Variants in BSND observed in about 807,000 individuals in gnomAD.
BSND encodes barttin CLCNK type accessory subunit beta, also known as barttin.
In BSND, 13 loss-of-function variants were observed where a neutral mutation model predicts 18.8. That is an observed-to-expected ratio of 0.69 (90% CI 0.45 to 1.10). The LOEUF (loss-of-function observed/expected upper bound fraction) is 1.10. Among genes scored for constraint, BSND ranks in the 50% least tolerant of loss-of-function variants. The probability of loss-of-function intolerance (pLI) is 0.00; values close to 1 mark genes in which losing one functional copy is unlikely to be tolerated. For missense variants in BSND, 379 were observed against 416.7 expected (o/e 0.91, Z 0.79); for synonymous variants, 170 against 161.8 (o/e 1.05, Z -0.39).
rs1361814773 is a variant in BSND at position 55,014,966 on chromosome 1, C to T, written c.*6338C>T. Among the ~76,000 whole-genome samples, 2 of 152,176 alleles carry T rather than the reference C, an allele frequency of 1.3e-5. No individual in the cohort carries two copies. Among genetic ancestry groups the T allele is most frequent in the African/African-American group, 4.8e-5 (2 of 41,438 alleles). ...GGGGAAGGAAGGAGGAAGAAGGAGA[C>T]TGTCCTGGCTGGAGTGGTGGAGGAC... is the stretch of plus-strand genomic sequence containing the variant. On this transcript the variant is annotated 3_prime_UTR_variant, in exon 4 of 4. Transcript: ENST00000651561.
In BSND at chr1:55,009,264, C is replaced by G. The variant is rs577978268; in HGVS notation, c.*636C>G. 1 of 161,864 alleles carries G rather than the reference C, an allele frequency of 6.2e-6. No individual in the cohort carries two copies. The highest frequency in any genetic ancestry group is 1.8e-4 in the East Asian group (1 of 5,566). 10.0% of individuals were successfully genotyped at this position (161,864 alleles called of 1,614,324 possible). On this transcript the variant is annotated 3_prime_UTR_variant, in exon 4 of 4. Transcript: ENST00000651561. ...GGCTCCCTTTTCAGCTTGGCAAATT[C>G]GTGCTCACCCTTCAAACCCCTACAC...
chr1:55,004,712 G>C (rs752138687), intron 1 of BSND, among the ~76,000 whole-genome samples: 1 of 152,256 alleles, frequency 6.6e-6, no homozygotes. Flanking sequence ...GAAATGAAAA[G>C]ATGTGAGCTC....
intron 1 of BSND, among the ~76,000 whole-genome samples, chr1:54,999,683 C>T (rs1320378031): frequency 6.6e-6 from 1 of 152,224 alleles, no homozygotes; most frequent in African/African-American, 2.4e-5. Context: ...CGCTGACCCC[C>T]TGCCAGGCAC....
At chr1:55,006,771 A>C (rs1212487789) in intron 2 of BSND, among the ~76,000 whole-genome samples, 1 of 152,176 alleles carries the variant, frequency 6.6e-6, no homozygotes, top group Admixed American at 6.5e-5. Context: ...TGAAAAAAAC[A>C]CTGGATAGAG....
rs1006408791 is a variant in BSND at position 55,014,826 on chromosome 1, T to C, written c.*6198T>C. Among the ~76,000 whole-genome samples, 4 of 152,144 alleles carry C rather than the reference T, an allele frequency of 2.6e-5. No individual in the cohort carries two copies. The highest frequency in any genetic ancestry group is 2.9e-5 in the Non-Finnish European group (2 of 68,034). On this transcript the variant is annotated 3_prime_UTR_variant, in exon 4 of 4. Transcript: ENST00000651561. ...TTTTTCTTAAATGAGTTATCAAACA[T>C]TGGATAGCTGGTAGGCAACCCAGAA...
intron 1 of BSND, among the ~76,000 whole-genome samples, chr1:54,999,674 G>C (rs546705325): frequency 7.2e-5 from 11 of 152,276 alleles, no homozygotes; most frequent in Admixed American, 7.2e-4. Context: ...GCTAATGAGC[G>C]CTGACCCCCT....
chr1:55,004,517 G>GATTC (rs1212259011), intron 1 of BSND, among the ~76,000 whole-genome samples: 1 of 152,216 alleles, frequency 6.6e-6, no homozygotes, highest in Admixed American at 6.5e-5. Flanking sequence ...GGCTGGACTT[G>GATTC]CAGAGACCTC....
chr1:55,008,089 G>T, intron 3 of BSND, 125 bp from the exon 4 acceptor site: 1 of 767,650 alleles, frequency 1.3e-6, no homozygotes, highest in Non-Finnish European at 2.2e-6. Flanking sequence ...TTCTGTTATT[G>T]GGAAGAAACT....
At chr1:55,001,843 C>T (rs1644363099) in intron 1 of BSND, among the ~76,000 whole-genome samples, 1 of 151,976 alleles carries the variant, frequency 6.6e-6, no homozygotes, top group South Asian at 2.1e-4. Flanking sequence ...GTAGCATGAT[C>T]AAAGCAATGT....
Position 55,016,498 on chromosome 1 carries a change from T to A in BSND, c.*7870T>A, listed in dbSNP as rs186344567. 1.3e-5 allele frequency among the ~76,000 whole-genome samples: 2 copies of A among 152,196 alleles called. No homozygotes were observed. The highest frequency in any genetic ancestry group is 3.9e-4 in the East Asian group (2 of 5,170). On this transcript the variant is annotated 3_prime_UTR_variant, in exon 4 of 4. Transcript: ENST00000651561. The stretch of plus-strand genomic sequence containing the variant: ...CTGACGTTGCTGATGTGAATGGGAG[T>A]GGTGGCAGCTTTTCTGTGAGTGCCT...
intron 1 of BSND, among the ~76,000 whole-genome samples, chr1:55,001,907 A>G (rs1041057223): frequency 2.6e-5 from 4 of 152,142 alleles, no homozygotes; most frequent in East Asian, 3.8e-4. Context: ...AGAGGGGAGG[A>G]AGGTAAAGGT....
In BSND at chr1:55,014,291, C is replaced by T. The variant is rs998141868; in HGVS notation, c.*5663C>T. Among the ~76,000 whole-genome samples, 4 of 152,244 alleles carry T rather than the reference C, an allele frequency of 2.6e-5. No individual in the cohort carries two copies. Among genetic ancestry groups the T allele is most frequent in the Non-Finnish European group, 4.4e-5 (3 of 68,042 alleles). On this transcript the variant is annotated 3_prime_UTR_variant, in exon 4 of 4. Transcript: ENST00000651561. ...TGAGGAGCACCAGCTTTGGAGTAAA[C>T]AGCGCTGGGTTTGAGACTAGGCTTC...
At chr1:55,004,735 G>T (rs1007096571) in intron 1 of BSND, among the ~76,000 whole-genome samples, 2 of 152,242 alleles carry the variant, frequency 1.3e-5, no homozygotes, top group Non-Finnish European at 2.9e-5. Context: ...CAAGGACAGG[G>T]TTCTCTTTCA....
intron 2 of BSND, among the ~76,000 whole-genome samples, chr1:55,006,323 G>C (rs921497308): frequency 6.6e-6 from 1 of 152,170 alleles, no homozygotes; most frequent in Non-Finnish European, 1.5e-5. Context: ...CTTCCCGGCT[G>C]TGTGACCCTA....
rs1644421610 is a variant in BSND, at chr1:55,011,321, A to ACG, written c.*2695_*2696dup. On this transcript the variant is annotated 3_prime_UTR_variant, in exon 4 of 4. Transcript: ENST00000651561. Reference sequence around the variant, plus strand: ...GCTAAGTTATTAGGAGGCCCCTTTCACGCTCGAAGATACCTCATTTGGATG... The same window carrying ACG: ...GCTAAGTTATTAGGAGGCCCCTTTCACGCGCTCGAAGATACCTCATTTGGATG... 1.3e-5 allele frequency: 2 copies of ACG among 152,198 alleles called. No individual in the cohort carries two copies. The highest frequency in any genetic ancestry group is 4.8e-5 in the African/African-American group (2 of 41,416). The allele number at this position is 152,198 out of a possible 1,614,324, so 9.4% of individuals were successfully genotyped here. A position where few individuals can be genotyped will look rare whatever the true frequency, so the allele number is the denominator to read the frequency against.
chr1:55,002,393 G>A (rs1644365594), intron 1 of BSND, among the ~76,000 whole-genome samples: 1 of 152,208 alleles, frequency 6.6e-6, no homozygotes, highest in Non-Finnish European at 1.5e-5. Context: ...GGAGTGGCAG[G>A]GAGAGCAGGG....
intron 2 of BSND, 36 bp downstream of exon 2, chr1:55,005,152 G>C: frequency 6.3e-7 from 1 of 1,591,736 alleles, no homozygotes; most frequent in Non-Finnish European, 8.6e-7. Context: ...GGAGGAGTAA[G>C]CCCCATAGGC....
At chr1:55,007,606 G>A (rs1386544884) in intron 3 of BSND, among the ~76,000 whole-genome samples, 1 of 152,154 alleles carries the variant, frequency 6.6e-6, no homozygotes, top group African/African-American at 2.4e-5. Context: ...CATACAGTAG[G>A]CCCTTGATGT....
rs1050405724 is a variant in BSND, at chr1:55,017,106, T to C, written c.*8478T>C. On this transcript the variant is annotated 3_prime_UTR_variant, in exon 4 of 4. Transcript: ENST00000651561. ...GGCAAGGACTCTATTACGTTCATTA[T>C]TGTGCCCTCAGTGCTTAGTTAAGTT... Among the ~76,000 whole-genome samples, 2 of 152,252 alleles carry C rather than the reference T, an allele frequency of 1.3e-5. No homozygotes were observed. Among genetic ancestry groups the C allele is most frequent in the African/African-American group, 4.8e-5 (2 of 41,464 alleles).
Sources: allele counts gnomAD v4.1 joint callset (sites outside exome capture counted in the v4.1 genomes callset), GRCh38; gene constraint gnomAD v4.1.1; transcripts MANE v1.5; gene names NCBI Gene and HGNC (gene_info 2026-07-23, HGNC 2026-07-21).